The following AFF2 variants were observed in gnomAD, a reference collection of about 807,000 sequenced individuals.
AFF2 encodes ALF transcription elongation factor 2, also known as AF4/FMR2 family member 2.
In AFF2, 14 loss-of-function variants were observed where a neutral mutation model predicts 76.9. The observed-to-expected ratio is 0.18, with a 90% CI of 0.12 to 0.28. AFF2 has a LOEUF of 0.28. Ranked by LOEUF, AFF2 falls within the 10% of genes least tolerant of loss-of-function variation. The probability of loss-of-function intolerance (pLI) is 1.00; values close to 1 mark genes in which losing one functional copy is unlikely to be tolerated. For missense variants in AFF2, 868 were observed against 1,001.1 expected (o/e 0.87, Z 1.79); for synonymous variants, 398 against 366.7 (o/e 1.09, Z -0.98).
chrX:148,578,989 C>A (rs1557243936), intron 1 of AFF2, among the ~76,000 whole-genome samples: 2 of 111,196 alleles, frequency 1.8e-5, no homozygotes, highest in African/African-American at 6.5e-5. Flanking sequence ...GATGCCTTTT[C>A]CCAGAGGCTG....
chrX:148,676,508 G>A (rs1429732898), intron 3 of AFF2, among the ~76,000 whole-genome samples: 2 of 112,112 alleles, frequency 1.8e-5, no homozygotes, highest in Non-Finnish European at 3.8e-5. Flanking sequence ...AAACTGAGAT[G>A]ATGACATGTT....
At chrX:148,894,800 C>G (rs1378121746) in intron 8 of AFF2, among the ~76,000 whole-genome samples, 1 of 110,881 alleles carries the variant, frequency 9.0e-6, no homozygotes, top group Non-Finnish European at 1.9e-5. Context: ...AATACTTGCA[C>G]CACCATGTTT....
intron 1 of AFF2, among the ~76,000 whole-genome samples, chrX:148,631,280 T>G (rs925594981): frequency 8.9e-6 from 1 of 111,869 alleles, no homozygotes; most frequent in Non-Finnish European, 1.9e-5. Flanking sequence ...CGATTTACAA[T>G]TACATCTATA....
At chrX:148,888,032 T>C (rs1248544086) in intron 8 of AFF2, among the ~76,000 whole-genome samples, 2 of 112,377 alleles carry the variant, frequency 1.8e-5, no homozygotes, top group African/African-American at 6.5e-5. Flanking sequence ...TCTTTTTTTA[T>C]TGCGGCAAAA....
intron 11 of AFF2, among the ~76,000 whole-genome samples, chrX:148,958,134 A>T (rs896582377): frequency 7.2e-5 from 8 of 111,868 alleles, no homozygotes; most frequent in African/African-American, 2.6e-4. Flanking sequence ...TACTCTCTCA[A>T]ATGCCAACTT....
intron 15 of AFF2, among the ~76,000 whole-genome samples, chrX:148,970,818 G>A (rs1230853576): frequency 2.7e-5 from 3 of 111,874 alleles, no homozygotes; most frequent in African/African-American, 9.7e-5. Flanking sequence ...ATCTTCTCCT[G>A]AGAGTGAAAT....
intron 3 of AFF2, among the ~76,000 whole-genome samples, chrX:148,711,722 T>C (rs192382629): frequency 1.8e-5 from 2 of 112,348 alleles, no homozygotes; most frequent in East Asian, 5.6e-4. Context: ...ATATTTCTTT[T>C]ATTGAGTTCA....
At chrX:148,687,062 C>T (rs1038436244) in intron 3 of AFF2, among the ~76,000 whole-genome samples, 1 of 111,562 alleles carries the variant, frequency 9.0e-6, no homozygotes, top group Admixed American at 9.5e-5. Context: ...GATACTTTAA[C>T]GCTTAAGCAG....
intron 7 of AFF2, among the ~76,000 whole-genome samples, chrX:148,867,672 T>TG (rs1231968757): frequency 8.9e-6 from 1 of 112,246 alleles, no homozygotes; most frequent in Admixed American, 9.4e-5. Context: ...CGGCTTCTTA[T>TG]GTGTTCAGAT....
Position 148,680,438 on chromosome X carries a change from G to A in AFF2, c.1041+17670G>A, listed in dbSNP as rs899596601. 5.4e-5 allele frequency among the ~76,000 whole-genome samples: 6 copies of A among 111,815 alleles called. 1 individual carries two copies. In the Admixed American group the frequency reaches 5.7e-4, roughly 11 times the overall value. ...CCAGAGATTGACCAGAAACAAGTCTGACATTTGAGGAAGTTAGCCTTCTAG... is the reference window on the plus strand; with the variant it reads ...CCAGAGATTGACCAGAAACAAGTCTAACATTTGAGGAAGTTAGCCTTCTAG... On this transcript the variant is annotated intron_variant, in intron 3 of 20. Transcript: ENST00000370460.
At chrX:148,719,810 C>G (rs1467871802) in intron 3 of AFF2, among the ~76,000 whole-genome samples, 1 of 111,374 alleles carries the variant, frequency 9.0e-6, no homozygotes, top group Non-Finnish European at 1.9e-5. Context: ...TTCTAACCAG[C>G]AACAATGACA....
At chrX:148,842,421 GT>G (rs1220879937) in intron 5 of AFF2, among the ~76,000 whole-genome samples, 2 of 112,742 alleles carry the variant, frequency 1.8e-5, no homozygotes, top group Non-Finnish European at 1.9e-5. Context: ...TTGCAATGTA[GT>G]TTTAAGAACA....
At chrX:148,952,429 G>T (rs1361276543) in intron 9 of AFF2, among the ~76,000 whole-genome samples, 2 of 111,552 alleles carry the variant, frequency 1.8e-5, no homozygotes, top group Non-Finnish European at 3.8e-5. Flanking sequence ...AGGCCCAGTA[G>T]ATGGCAAACA....
chrX:148,907,072 C>T (rs1396935622), intron 9 of AFF2, among the ~76,000 whole-genome samples: 6 of 111,801 alleles, frequency 5.4e-5, no homozygotes, highest in African/African-American at 2.0e-4. Context: ...AACCCCAGGT[C>T]AGAGAATAAA....
chrX:148,797,978 TGTCTTGTGCTTCTATAACA>T (rs782133405), intron 3 of AFF2, among the ~76,000 whole-genome samples: 1 of 112,577 alleles, frequency 8.9e-6, no homozygotes, highest in Admixed American at 9.4e-5. Context: ...TGTCTTAGTC[TGTCTTGTGCTTCTATAACA>T]GAATACCTGA....
rs1029018989 is a variant in AFF2, at chrX:148,977,627, A to T, written c.3405-306A>T. Among the ~76,000 whole-genome samples, 6 of 102,992 alleles carry T rather than the reference A, an allele frequency of 5.8e-5. No homozygotes were observed. The East Asian group carries it at 1.8e-3, about 32-fold the overall frequency. The allele number at this position is 102,992 out of a possible 115,157, so 89.4% of individuals were successfully genotyped here. On this transcript the variant is annotated intron_variant, in intron 16 of 20. Transcript: ENST00000370460. Reference sequence around the variant, plus strand: ...TACCAGCATTTAGACACACACACACACACACACACACACACACACACACAC... The same window carrying T: ...TACCAGCATTTAGACACACACACACTCACACACACACACACACACACACAC...
chrX:148,909,303 T>A (rs1463721671), intron 9 of AFF2, among the ~76,000 whole-genome samples: 3 of 112,001 alleles, frequency 2.7e-5, no homozygotes, highest in African/African-American at 9.7e-5. Flanking sequence ...CCTTCCAAAT[T>A]GTGTGTAGAT....
chrX:148,527,586 G>A (rs782354631), intron 1 of AFF2, among the ~76,000 whole-genome samples: 64 of 111,320 alleles, frequency 5.7e-4, no homozygotes, highest in Non-Finnish European at 3.6e-4. Context: ...TTTTTTAGGC[G>A]ATACACAATG....
chrX:148,508,477 C>T (rs1336303975), intron 1 of AFF2, among the ~76,000 whole-genome samples: 3 of 111,288 alleles, frequency 2.7e-5, no homozygotes, highest in Non-Finnish European at 5.7e-5. Context: ...ATTGTGATGT[C>T]TTCTTGGTGT....
Sources: allele counts gnomAD v4.1 joint callset (sites outside exome capture counted in the v4.1 genomes callset), GRCh38; gene constraint gnomAD v4.1.1; transcripts MANE v1.5; gene names NCBI Gene and HGNC (gene_info 2026-07-23, HGNC 2026-07-21).